NOL4: variants seen among roughly 807,000 people sequenced by gnomAD.
The protein encoded by NOL4 is cancer/testis antigen 125.
A neutral mutation model predicts 75.9 loss-of-function variants in NOL4; 17 were observed. The ratio of observed to expected loss-of-function variants is 0.22; its 90% CI spans 0.15 to 0.34. The LOEUF (loss-of-function observed/expected upper bound fraction) is 0.34. Ranked by LOEUF, NOL4 falls within the 10% of genes least tolerant of loss-of-function variation. The pLI is 1.00. For missense variants in NOL4, 614 were observed against 793.5 expected, an observed-to-expected ratio of 0.77 and a Z score of 2.72; for synonymous variants, 292 against 289.9, an observed-to-expected ratio of 1.01 and a Z score of -0.07.
chr18:33,953,846 G>A (rs183071974), intron 8 of NOL4, among the ~76,000 whole-genome samples: 254 of 152,276 alleles, frequency 1.7e-3, no homozygotes, highest in African/African-American at 5.6e-3. Context: ...TTGTAATTGT[G>A]GTTAGGGTGA....
intron 1 of NOL4, among the ~76,000 whole-genome samples, chr18:34,140,115 G>C (rs1181568522): frequency 6.6e-6 from 1 of 152,114 alleles, no homozygotes; most frequent in Non-Finnish European, 1.5e-5. Flanking sequence ...GGTCAATTTT[G>C]GAATAAGTGT....
chr18:33,880,821 T>A (rs1028305804), intron 10 of NOL4, among the ~76,000 whole-genome samples: 4 of 152,076 alleles, frequency 2.6e-5, no homozygotes, highest in African/African-American at 9.7e-5. Flanking sequence ...AGTTGAGTTT[T>A]TTTTTTTTAG....
intron 9 of NOL4, among the ~76,000 whole-genome samples, chr18:33,886,778 T>TATATCTATAG (rs1568009127): frequency 2.8e-5 from 4 of 145,086 alleles, no homozygotes; most frequent in Middle Eastern, 3.6e-3. Flanking sequence ...TATCTATATA[T>TATATCTATAG]ATATATCTAT....
At chr18:34,039,078 CA>C (rs2076032348) in intron 5 of NOL4, among the ~76,000 whole-genome samples, 1 of 151,864 alleles carries the variant, frequency 6.6e-6, no homozygotes, top group Admixed American at 6.6e-5. Flanking sequence ...ATATAGACAT[CA>C]GAACATTAAA....
intron 10 of NOL4, among the ~76,000 whole-genome samples, chr18:33,861,444 G>T (rs1284410038): frequency 6.6e-6 from 1 of 152,138 alleles, no homozygotes; most frequent in East Asian, 1.9e-4. Flanking sequence ...AGTATTCTCT[G>T]ATGGTAGTTT....
chr18:34,156,345 G>A (rs1034574715), intron 1 of NOL4, among the ~76,000 whole-genome samples: 21 of 152,080 alleles, frequency 1.4e-4, no homozygotes, highest in Non-Finnish European at 2.4e-4. Context: ...AAACAGAAAG[G>A]TTAAACAATT....
intron 6 of NOL4, among the ~76,000 whole-genome samples, chr18:33,997,807 C>T (rs1044971194): frequency 6.6e-6 from 1 of 150,870 alleles, no homozygotes; most frequent in East Asian, 2.0e-4. Context: ...AAAATTTGCA[C>T]ATGAATTTCA....
intron 4 of NOL4, among the ~76,000 whole-genome samples, chr18:34,098,993 A>T (rs2078917133): frequency 6.6e-6 from 1 of 152,110 alleles, no homozygotes; most frequent in Non-Finnish European, 1.5e-5. Flanking sequence ...TGTGTACATA[A>T]AAAGAGTAAT....
intron 6 of NOL4, among the ~76,000 whole-genome samples, chr18:33,995,020 G>C (rs2073172989): frequency 6.6e-6 from 1 of 151,516 alleles, no homozygotes; most frequent in Non-Finnish European, 1.5e-5. Context: ...TAGTACCTTA[G>C]ATGACATGGA....
chr18:34,071,748 T>C (rs993498308), intron 5 of NOL4, among the ~76,000 whole-genome samples: 13 of 152,150 alleles, frequency 8.5e-5, no homozygotes, highest in Non-Finnish European at 1.9e-4. Context: ...TGATGTTCAT[T>C]AGGTTAGGTG....
chr18:34,187,133 T>C (rs751897067), intron 1 of NOL4, among the ~76,000 whole-genome samples: 25 of 152,250 alleles, frequency 1.6e-4, no homozygotes, highest in Non-Finnish European at 3.2e-4. Flanking sequence ...ACCATTGTAA[T>C]ATAATACAGA....
intron 4 of NOL4, among the ~76,000 whole-genome samples, chr18:34,094,044 AAAACAAAC>A (rs912156160): frequency 1.8e-4 from 28 of 152,292 alleles, no homozygotes; most frequent in African/African-American, 5.8e-4. Context: ...TCGTCTCAAA[AAAACAAAC>A]AAACAAACAA....
intron 10 of NOL4, among the ~76,000 whole-genome samples, chr18:33,854,976 C>T (rs1004629821): frequency 2.0e-5 from 3 of 152,110 alleles, no homozygotes; most frequent in Admixed American, 6.6e-5. Flanking sequence ...CCTTTGTTAG[C>T]ACAGGCATAG....
chr18:34,098,670 G>A (rs945418371), intron 4 of NOL4, among the ~76,000 whole-genome samples: 1 of 152,046 alleles, frequency 6.6e-6, no homozygotes, highest in African/African-American at 2.4e-5. Context: ...TCCCCTTTGA[G>A]CTACACCATA....
intron 6 of NOL4, among the ~76,000 whole-genome samples, chr18:33,993,593 T>C (rs538689086): frequency 6.6e-6 from 1 of 151,870 alleles, no homozygotes; most frequent in Non-Finnish European, 1.5e-5. Context: ...GTATGGCCCG[T>C]ATACTGGAAA....
At chr18:34,105,011 A>C (rs4564652) in intron 3 of NOL4, 38 bp downstream of exon 3, 88,946 of 1,305,134 alleles carry the variant, frequency 0.068, 3,438 homozygotes, top group Middle Eastern at 0.092. Context: ...ATTATGAATA[A>C]AATTACTTTA....
chr18:34,017,486 T>A (rs2074766316), intron 6 of NOL4, among the ~76,000 whole-genome samples: 2 of 152,168 alleles, frequency 1.3e-5, no homozygotes, highest in Admixed American at 1.3e-4. Context: ...AATTTACTTT[T>A]AGCAAATTTT....
intron 4 of NOL4, among the ~76,000 whole-genome samples, chr18:34,102,941 C>T (rs1168526814): frequency 6.6e-6 from 1 of 151,882 alleles, no homozygotes; most frequent in Non-Finnish European, 1.5e-5. Flanking sequence ...AATATTGCCA[C>T]TGCACTAATA....
At position 34,223,719 on chromosome 18, in the gene NOL4, C is replaced by G. The variant is rs1248780756; in HGVS notation, c.-466G>C. On this transcript the variant is annotated 5_prime_UTR_variant, in exon 1 of 11. Coordinates refer to ENST00000261592, the MANE Select transcript of NOL4 (RefSeq NM_003787.5). Reference sequence around the variant, plus strand: ...CAGCGCCGCCTCCCCGCGCGCGCCCCAGAAGCTTCCCCAGCCACTGGCCCC... The same window carrying G: ...CAGCGCCGCCTCCCCGCGCGCGCCCGAGAAGCTTCCCCAGCCACTGGCCCC... Among the ~76,000 whole-genome samples the G allele has an allele frequency of 6.6e-6, 1 of 152,152 alleles. No individual in the cohort carries two copies. Among genetic ancestry groups the G allele is most frequent in the Admixed American group, 6.5e-5 (1 of 15,286 alleles).
Sources: gnomAD v4.1 joint callset for allele counts (sites outside exome capture counted in the v4.1 genomes callset) on GRCh38, gnomAD v4.1.1 for gene constraint, MANE v1.5 for transcripts, NCBI Gene and HGNC (gene_info 2026-07-23, HGNC 2026-07-21) for gene names.